Variants in CSMD1 observed in about 807,000 individuals in gnomAD.
The protein encoded by CSMD1 is CUB and Sushi multiple domains 1.
Under a neutral mutation model 417.5 loss-of-function variants are expected in CSMD1, and 213 were observed. The observed-to-expected ratio is 0.51, with a 90% confidence interval of 0.46 to 0.57. The LOEUF (loss-of-function observed/expected upper bound fraction) is 0.57, where lower values mean the gene tolerates loss of function less well. Ranked by LOEUF, CSMD1 falls within the 20% of genes least tolerant of loss-of-function variation. The pLI is 0.00. For missense variants in CSMD1, 6,923 were observed against 4,529.7 expected (o/e 1.53, Z -15.17); for synonymous variants, 2,862 against 1,736.8 (o/e 1.65, Z -16.11).
At chr8:3,228,985 A>G (rs1798672398) in intron 27 of CSMD1, among the ~76,000 whole-genome samples, 1 of 152,064 alleles carries the variant, frequency 6.6e-6, no homozygotes, top group Non-Finnish European at 1.5e-5. Flanking sequence ...ACACACATAC[A>G]TTGCTCCCCG....
intron 1 of CSMD1, among the ~76,000 whole-genome samples, chr8:4,811,912 T>G (rs1798929370): frequency 6.6e-6 from 1 of 152,122 alleles, no homozygotes; most frequent in South Asian, 2.1e-4. Flanking sequence ...TGACTGTTTC[T>G]CCGTATAGAA....
intron 23 of CSMD1, among the ~76,000 whole-genome samples, chr8:3,329,878 G>A (rs1176200597): frequency 2.0e-5 from 3 of 152,334 alleles, no homozygotes; most frequent in African/African-American, 4.8e-5. Context: ...TCTCTTTAGA[G>A]GCTCATGGAA....
At chr8:4,087,653 T>G (rs1800489922) in intron 3 of CSMD1, among the ~76,000 whole-genome samples, 2 of 152,140 alleles carry the variant, frequency 1.3e-5, no homozygotes, top group Non-Finnish European at 2.9e-5. Flanking sequence ...TTCTTACTCT[T>G]TCTCATTTTG....
At chr8:4,441,727 T>C (rs1312558988) in intron 2 of CSMD1, among the ~76,000 whole-genome samples, 3 of 152,132 alleles carry the variant, frequency 2.0e-5, no homozygotes, top group Non-Finnish European at 4.4e-5. Context: ...AGGAGATAAA[T>C]GAAAATTTTT....
chr8:4,463,605 A>G (rs1411018819), intron 2 of CSMD1, among the ~76,000 whole-genome samples: 1 of 152,192 alleles, frequency 6.6e-6, no homozygotes, highest in Non-Finnish European at 1.5e-5. Context: ...TTATTCCACA[A>G]CCTGACAAAC....
intron 1 of CSMD1, among the ~76,000 whole-genome samples, chr8:4,925,446 A>G (rs1446679739): frequency 6.6e-6 from 1 of 151,772 alleles, no homozygotes; most frequent in Non-Finnish European, 1.5e-5. Context: ...ACTGTTAATC[A>G]TTTCAAAATC....
chr8:4,198,629 G>A (rs1276286923), intron 3 of CSMD1, among the ~76,000 whole-genome samples: 2 of 152,082 alleles, frequency 1.3e-5, no homozygotes, highest in Non-Finnish European at 2.9e-5. Flanking sequence ...ATAGATCGAT[G>A]GATAATGTCC....
intron 5 of CSMD1, among the ~76,000 whole-genome samples, chr8:3,922,864 G>A (rs1051735038): frequency 2.0e-5 from 3 of 152,106 alleles, no homozygotes; most frequent in Non-Finnish European, 4.4e-5. Context: ...ATTGGGATAT[G>A]TGGAGGAAAA....
At chr8:3,266,048 G>C (rs148221649) in intron 26 of CSMD1, among the ~76,000 whole-genome samples, 1 of 151,828 alleles carries the variant, frequency 6.6e-6, no homozygotes, top group Non-Finnish European at 1.5e-5. Context: ...TGGAAATAGA[G>C]AGCTTTGAAG....
chr8:4,316,109 T>TTTTGAATG (rs1798912345), intron 3 of CSMD1, among the ~76,000 whole-genome samples: 1 of 152,196 alleles, frequency 6.6e-6, no homozygotes, highest in African/African-American at 2.4e-5. Flanking sequence ...CACTCATTAT[T>TTTTGAATG]GTTAACCCTC....
chr8:4,129,074 C>CAAAAAAAAA (rs10538387), intron 3 of CSMD1, among the ~76,000 whole-genome samples: 5 of 80,736 alleles, frequency 6.2e-5, no homozygotes, highest in South Asian at 5.4e-4. Flanking sequence ...GAGTCCAACT[C>CAAAAAAAAA]AAAAAAAAAA....
chr8:3,337,077 C>T (rs945739841), intron 23 of CSMD1, among the ~76,000 whole-genome samples: 2 of 152,028 alleles, frequency 1.3e-5, no homozygotes, highest in African/African-American at 4.8e-5. Flanking sequence ...TTGCTGTCCC[C>T]CTGCCTCAAA....
chr8:4,370,517 A>G (rs151337679), intron 3 of CSMD1, among the ~76,000 whole-genome samples: 14 of 152,320 alleles, frequency 9.2e-5, no homozygotes, highest in Middle Eastern at 3.4e-3. Context: ...TCCATGGACT[A>G]TATGTTCAAA....
chr8:4,448,022 T>A (rs568240389), intron 2 of CSMD1, among the ~76,000 whole-genome samples: 1 of 152,128 alleles, frequency 6.6e-6, no homozygotes, highest in East Asian at 1.9e-4. Context: ...ACTAAAAAAC[T>A]AAAGTGGTTC....
chr8:4,861,773 T>C lies in CSMD1; in HGVS notation c.85+132559A>G, dbSNP rs76629475. ...TACATTTTGAACAAAATGTCTAAGA[T>C]ATAAAGCTCTAAATAACTTTTTGCT... On this transcript the variant is annotated intron_variant, in intron 1 of 69. Coordinates refer to ENST00000635120, the MANE Select transcript of CSMD1 (RefSeq NM_033225.6). 6.4e-3 allele frequency among the ~76,000 whole-genome samples: 978 copies of C among 152,166 alleles called. 20 individuals are homozygous for C. The highest frequency in any genetic ancestry group is 0.023 in the African/African-American group (943 of 41,488).
chr8:4,211,426 C>G (rs1184085500), intron 3 of CSMD1, among the ~76,000 whole-genome samples: 6 of 152,106 alleles, frequency 3.9e-5, no homozygotes, highest in African/African-American at 9.7e-5. Flanking sequence ...TGAATTTTGT[C>G]TACAAACATA....
intron 2 of CSMD1, among the ~76,000 whole-genome samples, chr8:4,624,902 T>C (rs1046058807): frequency 3.9e-5 from 6 of 152,268 alleles, no homozygotes; most frequent in South Asian, 4.1e-4. Flanking sequence ...GGCACTGGCA[T>C]TCTTTTTTAA....
rs926140673 is a variant in CSMD1, at chr8:3,479,003, C to A, written c.1449-10179G>T. ...ACCTCCCTCATCGCCTCACCAACAT[C>A]TCCCCAAGCCCACCCAACCCCATGC... On this transcript the variant is annotated intron_variant, in intron 11 of 69. Transcript: ENST00000635120. Among the ~76,000 whole-genome samples the A allele has an allele frequency of 3.3e-5, 5 of 152,038 alleles. No homozygotes were observed. The South Asian group carries it at 1.0e-3, about 32-fold the overall frequency.
intron 1 of CSMD1, among the ~76,000 whole-genome samples, chr8:4,795,566 T>C (rs1204833599): frequency 6.6e-6 from 1 of 152,054 alleles, no homozygotes; most frequent in Non-Finnish European, 1.5e-5. Flanking sequence ...CCGGCCAGCT[T>C]TCTTAAGCTT....
Sources: gnomAD v4.1 joint callset for allele counts (sites outside exome capture counted in the v4.1 genomes callset) on GRCh38, gnomAD v4.1.1 for gene constraint, MANE v1.5 for transcripts, NCBI Gene and HGNC (gene_info 2026-07-23, HGNC 2026-07-21) for gene names.